NGFR: variants seen among roughly 807,000 people sequenced by gnomAD.
The protein encoded by NGFR is nerve growth factor receptor.
NGFR carries 30 observed loss-of-function variants against 43.2 expected under a neutral mutation model. That is an observed-to-expected ratio of 0.69 (90% CI 0.52 to 0.94). NGFR has a LOEUF of 0.94. NGFR is among the 40% of genes least tolerant of loss of function. The probability of loss-of-function intolerance (pLI) is 0.00; values close to 1 mark genes in which losing one functional copy is unlikely to be tolerated. For synonymous variants in NGFR, 246 were observed against 259.6 expected (o/e 0.95, Z 0.50); for missense variants, 529 against 602.5 (o/e 0.88, Z 1.28).
chr17:49,510,520 G>A lies in NGFR; in HGVS notation c.677G>A (p.Ser226Asn), dbSNP rs2071224475. 2 of 1,614,114 alleles carry A rather than the reference G, an allele frequency of 1.2e-6. No homozygotes were observed. Among genetic ancestry groups the A allele is most frequent in the Non-Finnish European group, 1.7e-6 (2 of 1,180,014 alleles). ...CCTCCAGAACAAGACCTCATAGCCA[G>A]CACGGTGGCAGGTGTGGTGACCACA... ...EAPPEQDLIA[S>N]TVAGVVTTVM... The change falls in exon 4 of 6, where the codon AGC becomes AAC. Residue 226 changes from serine (S) to asparagine (N), a missense_variant. Coordinates refer to ENST00000172229, the MANE Select transcript of NGFR (RefSeq NM_002507.4).
intron 3 of NGFR, among the ~76,000 whole-genome samples, chr17:49,507,698 A>T (rs937277952): frequency 1.3e-5 from 2 of 152,202 alleles, no homozygotes; most frequent in Non-Finnish European, 2.9e-5. Context: ...CCATGCACAC[A>T]TTGAGCTATT....
intron 1 of NGFR, among the ~76,000 whole-genome samples, chr17:49,500,378 C>T (rs2071161126): frequency 6.6e-6 from 1 of 152,200 alleles, no homozygotes; most frequent in Non-Finnish European, 1.5e-5. Flanking sequence ...TGCATTGTGT[C>T]CCTACTGCAT....
In NGFR at chr17:49,495,661, C is replaced by A; in HGVS notation, c.66+178C>A. ...AGGAGGGTCTAGGGTTCCCGGAGCG[C>A]AGAGGCGACTCTCCAGGGTGGAGAT... On this transcript the variant is annotated intron_variant, in intron 1 of 5. Coordinates refer to ENST00000172229, the MANE Select transcript of NGFR (RefSeq NM_002507.4). This position sits in a 1 kb window ranked among gnomAD's most constrained non-coding sequence, Gnocchi z 6.4. 2.0e-6 allele frequency: 1 copy of A among 511,114 alleles called. No homozygotes were observed. Among genetic ancestry groups the A allele is most frequent in the Non-Finnish European group, 3.0e-6 (1 of 329,024 alleles). 31.7% of individuals were successfully genotyped at this position (511,114 alleles called of 1,614,324 possible).
intron 4 of NGFR, chr17:49,510,898 C>A: frequency 1.8e-6 from 1 of 556,656 alleles, no homozygotes; most frequent in Non-Finnish European, 3.2e-6. Context: ...TCCAGCCCCT[C>A]CCACTCCCAT....
Position 49,514,805 on chromosome 17 carries a change from G to A in NGFR, c.*1796G>A, listed in dbSNP as rs1344505670. On this transcript the variant is annotated 3_prime_UTR_variant, in exon 6 of 6. Transcript: ENST00000172229. ...GGCTTGCAAGTATGTTTTAGCATGT[G>A]TTTGGTTCTGGGGCCCCTTTTTACT... 6.6e-6 allele frequency: 1 copy of A among 151,910 alleles called. No individual in the cohort carries two copies. Among genetic ancestry groups the A allele is most frequent in the African/African-American group, 2.4e-5 (1 of 41,312 alleles). The allele number at this position is 151,910 out of a possible 1,614,324, so 9.4% of individuals were successfully genotyped here.
rs1259844722 is a variant in NGFR, at chr17:49,506,769, G to C, written c.568+111G>C. On this transcript the variant is annotated intron_variant, in intron 3 of 5. Coordinates refer to ENST00000172229, the MANE Select transcript of NGFR (RefSeq NM_002507.4). ...GGACCCTGCCTGGCCTGCTGGGGCA[G>C]CTTGGTGACCTTGAGGCAGCGTGCA... is the stretch of plus-strand genomic sequence containing the variant. The C allele has an allele frequency of 2.7e-6, 3 of 1,117,392 alleles. No homozygotes were observed. The East Asian group carries it at 7.8e-5, about 29-fold the overall frequency. 69.2% of individuals were successfully genotyped at this position (1,117,392 alleles called of 1,614,324 possible). A position where few individuals can be genotyped will look rare whatever the true frequency, so the allele number is the denominator to read the frequency against.
chr17:49,508,565 G>A (rs958458830), intron 3 of NGFR, among the ~76,000 whole-genome samples: 3 of 152,140 alleles, frequency 2.0e-5, no homozygotes, highest in South Asian at 2.1e-4. Context: ...ATTTACTTAC[G>A]TTTCAGGTGT....
intron 1 of NGFR, among the ~76,000 whole-genome samples, chr17:49,499,315 A>G (rs760130231): frequency 6.6e-6 from 1 of 152,236 alleles, no homozygotes; most frequent in Non-Finnish European, 1.5e-5. Context: ...CCAGAGCCCA[A>G]CAAACTGGAA....
intron 3 of NGFR, among the ~76,000 whole-genome samples, chr17:49,507,673 T>C (rs551294156): frequency 6.6e-6 from 1 of 152,294 alleles, no homozygotes; most frequent in Admixed American, 6.5e-5. Context: ...TTACATCCTG[T>C]CCATCATCCT....
rs543134508 is a variant in NGFR at position 49,512,554 on chromosome 17, A to C, written c.983-154A>C. Among the ~76,000 whole-genome samples, 3 of 152,236 alleles carry C rather than the reference A, an allele frequency of 2.0e-5. No homozygotes were observed. In the South Asian group the frequency reaches 6.2e-4, roughly 32 times the overall value. ...ACAACGAGTCCCCCCAGGTGCCTTCACTTCCTGGTGCCCCACCCAGGACCT... is the reference window on the plus strand; with the variant it reads ...ACAACGAGTCCCCCCAGGTGCCTTCCCTTCCTGGTGCCCCACCCAGGACCT... On this transcript the variant is annotated intron_variant, in intron 5 of 5. Transcript: ENST00000172229. This position sits in a 1 kb window ranked among gnomAD's most constrained non-coding sequence, Gnocchi z 5.2.
At chr17:49,503,903 C>T (rs1162795510) in intron 2 of NGFR, among the ~76,000 whole-genome samples, 1 of 152,174 alleles carries the variant, frequency 6.6e-6, no homozygotes, top group Non-Finnish European at 1.5e-5. Context: ...AAAGGACCTT[C>T]AGCAGGAGGT....
intron 3 of NGFR, among the ~76,000 whole-genome samples, chr17:49,510,131 A>G (rs1351504051): frequency 1.3e-5 from 2 of 152,204 alleles, no homozygotes; most frequent in East Asian, 3.9e-4. Flanking sequence ...TAATAGCCCC[A>G]TTAGATAAAT....
intron 2 of NGFR, among the ~76,000 whole-genome samples, chr17:49,502,879 T>G (rs2071176243): frequency 7.6e-6 from 1 of 130,970 alleles, no homozygotes; most frequent in Admixed American, 7.8e-5. Flanking sequence ...TTTCTCTCTC[T>G]CTCTTTCTTT....
intron 3 of NGFR, 35 bp downstream of exon 3, chr17:49,506,693 T>TGGGG: frequency 1.7e-5 from 2 of 115,496 alleles, no homozygotes; most frequent in East Asian, 2.0e-4. Flanking sequence ...GGAGTGGGGG[T>TGGGG]GCGGGGGTGG....
chr17:49,502,223 G>A lies in NGFR; in HGVS notation c.208+19G>A, dbSNP rs761341517. The A allele has an allele frequency of 3.8e-6, 6 of 1,579,456 alleles. No individual in the cohort carries two copies. The East Asian group carries it at 1.4e-4, about 36-fold the overall frequency. ...CTGGACAGTGAGTAGAGGGTGGCGG[G>A]CAGGAGGAGGGGAGAAGAATGGGAG... On this transcript the variant is annotated intron_variant, in intron 2 of 5. Transcript: ENST00000172229.
chr17:49,495,727 G>A lies in NGFR; in HGVS notation c.66+244G>A. 1 of 395,274 alleles carries A rather than the reference G, an allele frequency of 2.5e-6. No individual in the cohort carries two copies. The highest frequency in any genetic ancestry group is 4.4e-6 in the Non-Finnish European group (1 of 225,474). 24.5% of individuals were successfully genotyped at this position (395,274 alleles called of 1,614,324 possible). A position where few individuals can be genotyped will look rare whatever the true frequency, so the allele number is the denominator to read the frequency against. On this transcript the variant is annotated intron_variant, in intron 1 of 5. Transcript: ENST00000172229. The surrounding 1 kb of genome is among the most constrained non-coding windows in gnomAD (Gnocchi z 6.4). ...GCACGGATGCCGGTCCTCAGGTACC[G>A]CAGGGGGCGGTGGGGGAGCTGGGAG... is the stretch of plus-strand genomic sequence containing the variant.
At chr17:49,504,184 C>CA (rs2071183067) in intron 2 of NGFR, among the ~76,000 whole-genome samples, 3 of 152,232 alleles carry the variant, frequency 2.0e-5, no homozygotes, top group East Asian at 1.9e-4. Context: ...CATTCTCTGC[C>CA]AAAAAAGACC....
chr17:49,500,526 C>A (rs553857998), intron 1 of NGFR, among the ~76,000 whole-genome samples: 12 of 152,302 alleles, frequency 7.9e-5, no homozygotes, highest in African/African-American at 2.9e-4. Flanking sequence ...ATGGCAGCCC[C>A]ACCTAATCTG....
chr17:49,506,687 T>TTGGGGGGGGGGGGGGGGG, intron 3 of NGFR, 29 bp downstream of exon 3: 1 of 128,684 alleles, frequency 7.8e-6, no homozygotes. Context: ...GCGGGGGGAG[T>TTGGGGGGGGGGGGGGGGG]GGGGGTGCGG....
Sources: allele counts gnomAD v4.1 joint callset (sites outside exome capture counted in the v4.1 genomes callset), GRCh38; gene constraint gnomAD v4.1.1; non-coding constraint Gnocchi (gnomAD v3.1); transcripts MANE v1.5; gene names NCBI Gene and HGNC (gene_info 2026-07-23, HGNC 2026-07-21).